The following KCNB2 variants were observed in gnomAD, a reference collection of about 807,000 sequenced individuals.
KCNB2 encodes the protein delayed rectifier potassium channel protein.
Under a neutral mutation model 61.5 loss-of-function variants are expected in KCNB2, and 15 were observed. The ratio of observed to expected loss-of-function variants is 0.24; its 90% CI spans 0.16 to 0.38. The LOEUF (loss-of-function observed/expected upper bound fraction) is 0.38. Among genes scored for constraint, KCNB2 ranks in the 10% least tolerant of loss-of-function variants. The pLI is 1.00. For missense variants in KCNB2, 828 were observed against 1,125.2 expected (o/e 0.74, Z 3.78); for synonymous variants, 457 against 446.0 (o/e 1.02, Z -0.31).
chr8:72,927,353 C>T (rs753550320), intron 2 of KCNB2, among the ~76,000 whole-genome samples: 7 of 152,058 alleles, frequency 4.6e-5, no homozygotes, highest in Non-Finnish European at 7.4e-5. Context: ...TCACTACAAC[C>T]TGCACCTCCC....
intron 2 of KCNB2, among the ~76,000 whole-genome samples, chr8:72,651,146 A>T (rs960486385): frequency 6.6e-6 from 1 of 152,196 alleles, no homozygotes; most frequent in Non-Finnish European, 1.5e-5. Context: ...CACTAAGCGT[A>T]GCCTAATACT....
At chr8:72,933,019 A>G (rs991018349) in intron 2 of KCNB2, among the ~76,000 whole-genome samples, 67 of 152,180 alleles carry the variant, frequency 4.4e-4, no homozygotes, top group Admixed American at 9.8e-4. Flanking sequence ...GGTTTTGACA[A>G]ATTGAATTTC....
intron 1 of KCNB2, among the ~76,000 whole-genome samples, chr8:72,549,176 G>A (rs1806306618): frequency 6.6e-6 from 1 of 152,100 alleles, no homozygotes; most frequent in Non-Finnish European, 1.5e-5. Context: ...GCACAGTTGT[G>A]CCAGGGCATG....
chr8:72,716,477 C>G (rs1282039028), intron 2 of KCNB2, among the ~76,000 whole-genome samples: 1 of 152,222 alleles, frequency 6.6e-6, no homozygotes, highest in African/African-American at 2.4e-5. Context: ...ATCAAGTGGG[C>G]TTCATCCCTG....
Position 72,897,875 on chromosome 8 carries a change from AC to A in KCNB2, c.580-38057del, listed in dbSNP as rs1806018332. 5.9e-5 allele frequency among the ~76,000 whole-genome samples: 9 copies of A among 152,202 alleles called. No individual in the cohort carries two copies. The South Asian group carries it at 1.9e-3, about 32-fold the overall frequency. ...TTTGCAATTTTGACTTCTTGGGTGC[AC>A]CCTGTTCTCAGATATGGAGGGTACA... On this transcript the variant is annotated intron_variant, in intron 2 of 2. Coordinates refer to ENST00000523207, the MANE Select transcript of KCNB2 (RefSeq NM_004770.3).
chr8:72,636,475 T>G (rs762755922), intron 2 of KCNB2, among the ~76,000 whole-genome samples: 3 of 152,196 alleles, frequency 2.0e-5, no homozygotes, highest in African/African-American at 7.2e-5. Context: ...TTGATTAGAT[T>G]AGGTTATAAT....
At chr8:72,912,800 C>A (rs1259045394) in intron 2 of KCNB2, among the ~76,000 whole-genome samples, 2 of 152,026 alleles carry the variant, frequency 1.3e-5, no homozygotes, top group Non-Finnish European at 2.9e-5. Flanking sequence ...TTAACTGTTA[C>A]CTATACCATC....
At chr8:72,839,375 A>G (rs935391708) in intron 2 of KCNB2, among the ~76,000 whole-genome samples, 4 of 152,282 alleles carry the variant, frequency 2.6e-5, no homozygotes, top group African/African-American at 7.2e-5. Flanking sequence ...TTGAACACCA[A>G]TTGTATGCCT....
intron 2 of KCNB2, among the ~76,000 whole-genome samples, chr8:72,727,452 C>T (rs1217662227): frequency 6.6e-6 from 1 of 152,184 alleles, no homozygotes; most frequent in Non-Finnish European, 1.5e-5. Context: ...ATATGTATAA[C>T]TTTACTGCAG....
At chr8:72,557,531 G>A (rs1438084119) in intron 1 of KCNB2, among the ~76,000 whole-genome samples, 1 of 152,124 alleles carries the variant, frequency 6.6e-6, no homozygotes, top group African/African-American at 2.4e-5. Flanking sequence ...CTGAGAAATG[G>A]AAAATTCACT....
intron 2 of KCNB2, among the ~76,000 whole-genome samples, chr8:72,846,026 G>A (rs1809985711): frequency 6.6e-6 from 1 of 151,818 alleles, no homozygotes; most frequent in Admixed American, 6.6e-5. Flanking sequence ...CTTGGTGTCT[G>A]CACAATCAGC....
intron 1 of KCNB2, among the ~76,000 whole-genome samples, chr8:72,563,375 C>T (rs573474993): frequency 6.6e-6 from 1 of 152,222 alleles, no homozygotes; most frequent in African/African-American, 2.4e-5. Context: ...GTGTTCTGAG[C>T]CTCAGACAGA....
At chr8:72,730,581 A>G (rs779004606) in intron 2 of KCNB2, among the ~76,000 whole-genome samples, 1 of 152,012 alleles carries the variant, frequency 6.6e-6, no homozygotes, top group Non-Finnish European at 1.5e-5. Context: ...CATTTTTTTC[A>G]TTTTCCCTTT....
At chr8:72,694,107 A>G (rs1184819158) in intron 2 of KCNB2, among the ~76,000 whole-genome samples, 2 of 152,362 alleles carry the variant, frequency 1.3e-5, no homozygotes, top group East Asian at 1.9e-4. Context: ...TAATTGTATC[A>G]TAACTACATC....
intron 2 of KCNB2, among the ~76,000 whole-genome samples, chr8:72,614,138 G>A (rs1805581704): frequency 6.6e-6 from 1 of 152,124 alleles, no homozygotes; most frequent in Non-Finnish European, 1.5e-5. Context: ...ATCTGCAGTA[G>A]GCAACTCTTG....
intron 1 of KCNB2, among the ~76,000 whole-genome samples, chr8:72,553,262 T>C (rs1369095587): frequency 6.6e-6 from 1 of 152,142 alleles, no homozygotes; most frequent in East Asian, 1.9e-4. Flanking sequence ...TTCACCTAGA[T>C]AACATGGTAG....
chr8:72,861,149 AT>A (rs1805400119), intron 2 of KCNB2, among the ~76,000 whole-genome samples: 1 of 119,216 alleles, frequency 8.4e-6, no homozygotes, highest in African/African-American at 3.2e-5. Context: ...AATGAGAGTG[AT>A]TTTTCTTGCT....
At chr8:72,599,436 A>G (rs962201579) in intron 2 of KCNB2, among the ~76,000 whole-genome samples, 2 of 152,210 alleles carry the variant, frequency 1.3e-5, no homozygotes, top group African/African-American at 2.4e-5. Flanking sequence ...TACACCTTAT[A>G]CAAAAATTAA....
At chr8:72,736,353 A>G (rs1807845881) in intron 2 of KCNB2, among the ~76,000 whole-genome samples, 1 of 152,094 alleles carries the variant, frequency 6.6e-6, no homozygotes, top group East Asian at 1.9e-4. Context: ...ATATTATTCT[A>G]TTTTGACGAT....
Sources: allele counts gnomAD v4.1 joint callset (sites outside exome capture counted in the v4.1 genomes callset), GRCh38; gene constraint gnomAD v4.1.1; transcripts MANE v1.5; gene names NCBI Gene and HGNC (gene_info 2026-07-23, HGNC 2026-07-21).